Variants in SPON1 observed in about 807,000 individuals in gnomAD.
SPON1 encodes spondin-1.
In SPON1, 52 loss-of-function variants were observed where a neutral mutation model predicts 111.7. The ratio of observed to expected loss-of-function variants is 0.47; its 90% CI spans 0.37 to 0.59. The LOEUF is 0.59. SPON1 is among the 20% of genes least tolerant of loss of function. The pLI is 0.00. For synonymous variants in SPON1, 410 were observed against 395.8 expected (o/e 1.04, Z -0.43); for missense variants, 957 against 1,068.5 (o/e 0.90, Z 1.46).
intron 6 of SPON1, among the ~76,000 whole-genome samples, chr11:14,174,862 A>T (rs1848156472): frequency 6.6e-6 from 1 of 152,166 alleles, no homozygotes; most frequent in South Asian, 2.1e-4. Flanking sequence ...ATCTCTTATT[A>T]CCTGACTTTA....
Position 14,041,803 on chromosome 11 carries a change from T to C in SPON1, c.479+149T>C, listed in dbSNP as rs1004340745. On this transcript the variant is annotated intron_variant, in intron 3 of 15. Transcript: ENST00000576479. ...CTGAATTCTCAATAGCACCATAGAC[T>C]ATCATTGGTGAAGTGTTCCATAAAG... is the stretch of plus-strand genomic sequence containing the variant. 4 of 825,900 alleles carry C rather than the reference T, an allele frequency of 4.8e-6. No individual in the cohort carries two copies. In the Admixed American group the frequency reaches 8.6e-5, roughly 18 times the overall value. 51.2% of individuals were successfully genotyped at this position (825,900 alleles called of 1,614,324 possible). A position where few individuals can be genotyped will look rare whatever the true frequency, so the allele number is the denominator to read the frequency against.
In SPON1 at chr11:14,170,794, G is replaced by A. The variant is rs1387845454; in HGVS notation, c.825+35226G>A. On this transcript the variant is annotated intron_variant, in intron 6 of 15. Coordinates refer to ENST00000576479, the MANE Select transcript of SPON1 (RefSeq NM_006108.4). ...TGGTTCTGTTTATATGCCAGATTAC[G>A]TTTATTGATTTTCGTATGTTGAATC... 1.1e-4 allele frequency among the ~76,000 whole-genome samples: 17 copies of A among 152,238 alleles called. No homozygotes were observed. The East Asian group carries it at 2.9e-3, about 26-fold the overall frequency.
chr11:14,064,373 T>C (rs1463630341), intron 3 of SPON1, among the ~76,000 whole-genome samples: 2 of 152,200 alleles, frequency 1.3e-5, no homozygotes, highest in Admixed American at 6.5e-5. Flanking sequence ...ATGGTCCTGG[T>C]TAATGCGGCT....
intron 1 of SPON1, among the ~76,000 whole-genome samples, chr11:13,980,347 T>G (rs1848134790): frequency 6.6e-6 from 1 of 152,148 alleles, no homozygotes; most frequent in Non-Finnish European, 1.5e-5. Context: ...AGCCCCTTCT[T>G]TCTTTTTTTC....
chr11:14,149,226 A>T (rs2133867471), intron 6 of SPON1, among the ~76,000 whole-genome samples: 1 of 152,298 alleles, frequency 6.6e-6, no homozygotes, highest in Non-Finnish European at 1.5e-5. Flanking sequence ...GAAGTCAATG[A>T]TGTTGATGAT....
chr11:14,178,096 G>C (rs1848198993), intron 6 of SPON1, among the ~76,000 whole-genome samples: 1 of 137,708 alleles, frequency 7.3e-6, no homozygotes. Context: ...CCAGTGACTG[G>C]GGAGGAGTCG....
intron 6 of SPON1, among the ~76,000 whole-genome samples, chr11:14,181,721 A>C (rs1007029842): frequency 1.3e-5 from 2 of 152,194 alleles, no homozygotes; most frequent in African/African-American, 2.4e-5. Context: ...GAGAAGAATG[A>C]CAAGACCTAG....
At chr11:14,185,481 G>GA (rs1272279051) in intron 6 of SPON1, among the ~76,000 whole-genome samples, 3 of 152,098 alleles carry the variant, frequency 2.0e-5, no homozygotes, top group Admixed American at 6.5e-5. Context: ...CCATTTTCCT[G>GA]AAAAAACAAT....
At chr11:14,160,293 T>C (rs1847894559) in intron 6 of SPON1, among the ~76,000 whole-genome samples, 1 of 104,296 alleles carries the variant, frequency 9.6e-6, no homozygotes, top group African/African-American at 3.4e-5. Flanking sequence ...AAGTTGAAAA[T>C]ATCACTAAGT....
intron 6 of SPON1, among the ~76,000 whole-genome samples, chr11:14,241,075 G>GCACA (rs10687722): frequency 3.3e-3 from 490 of 150,622 alleles, no homozygotes; most frequent in Middle Eastern, 0.024. Context: ...TATAATGCCT[G>GCACA]CACACACACA....
intron 5 of SPON1, among the ~76,000 whole-genome samples, chr11:14,088,080 A>C (rs1554922892): frequency 6.6e-6 from 1 of 152,090 alleles, no homozygotes; most frequent in African/African-American, 2.4e-5. Context: ...TTGACTCTTT[A>C]CCCAATTTTC....
chr11:14,027,405 AT>A (rs1554915493), intron 2 of SPON1, among the ~76,000 whole-genome samples: 1 of 152,212 alleles, frequency 6.6e-6, no homozygotes, highest in Non-Finnish European at 1.5e-5. Context: ...AAGTTCCAAC[AT>A]TCCTCTGAGC....
chr11:14,041,684 T>C, intron 3 of SPON1, 30 bp downstream of exon 3: 1 of 1,610,896 alleles, frequency 6.2e-7, no homozygotes, highest in South Asian at 1.1e-5. Context: ...TTCCCTGCAG[T>C]TTATCAAAGA....
At chr11:14,088,716 T>G (rs1461824183) in intron 5 of SPON1, among the ~76,000 whole-genome samples, 1 of 152,194 alleles carries the variant, frequency 6.6e-6, no homozygotes, top group Non-Finnish European at 1.5e-5. Flanking sequence ...GATAATATCC[T>G]GAAGTGTGTT....
At chr11:14,034,073 A>T (rs1325234612) in intron 2 of SPON1, among the ~76,000 whole-genome samples, 3 of 152,224 alleles carry the variant, frequency 2.0e-5, no homozygotes, top group African/African-American at 7.2e-5. Context: ...GCTACTCAGG[A>T]GGCTGAAGCG....
At position 14,176,536 on chromosome 11, in the gene SPON1, C is replaced by T. The variant is rs554695358; in HGVS notation, c.825+40968C>T. On this transcript the variant is annotated intron_variant, in intron 6 of 15. Coordinates refer to ENST00000576479, the MANE Select transcript of SPON1 (RefSeq NM_006108.4). ...CCCCATCATAGGGCTACAGACACCC[C>T]ACCATAGGGCTACAGAACCAGTCGG... Among the ~76,000 whole-genome samples, 70 of 152,158 alleles carry T rather than the reference C, an allele frequency of 4.6e-4. 1 individual carries two copies. The South Asian group carries it at 0.015, about 32-fold the overall frequency.
intron 6 of SPON1, among the ~76,000 whole-genome samples, chr11:14,207,251 A>T (rs1487581923): frequency 1.3e-5 from 2 of 152,242 alleles, no homozygotes; most frequent in African/African-American, 4.8e-5. Flanking sequence ...TGGATAAAAG[A>T]CTTAAATGTA....
intron 5 of SPON1, among the ~76,000 whole-genome samples, chr11:14,112,624 C>A (rs1221767187): frequency 6.6e-6 from 1 of 152,212 alleles, no homozygotes; most frequent in Non-Finnish European, 1.5e-5. Context: ...ATTATTATGA[C>A]CCTTTTTCAT....
chr11:14,263,500 G>A (rs572026409), intron 15 of SPON1, among the ~76,000 whole-genome samples: 25 of 151,592 alleles, frequency 1.6e-4, no homozygotes, highest in Non-Finnish European at 3.1e-4. Context: ...GAGACTTTAT[G>A]ATTTTTTTTT....
Sources: allele counts gnomAD v4.1 joint callset (sites outside exome capture counted in the v4.1 genomes callset), GRCh38; gene constraint gnomAD v4.1.1; transcripts MANE v1.5; gene names NCBI Gene and HGNC (gene_info 2026-07-23, HGNC 2026-07-21).